Variants in TMEM132C observed in about 807,000 individuals in gnomAD.
The protein encoded by TMEM132C is transmembrane protein 132C, also known as protein phosphatase 1, regulatory subunit 152.
A neutral mutation model predicts 61.4 loss-of-function variants in TMEM132C; 29 were observed. The observed-to-expected ratio is 0.47, with a 90% CI of 0.35 to 0.64. The LOEUF is 0.64. Ranked by LOEUF, TMEM132C falls within the 30% of genes least tolerant of loss-of-function variation. TMEM132C has a pLI of 0.00. For synonymous variants in TMEM132C, 656 were observed against 633.1 expected (o/e 1.04, Z -0.54); for missense variants, 1,408 against 1,476.9 (o/e 0.95, Z 0.76).
intron 1 of TMEM132C, among the ~76,000 whole-genome samples, chr12:128,280,653 A>T (rs1345707143): frequency 1.3e-5 from 2 of 152,220 alleles, no homozygotes; most frequent in Non-Finnish European, 2.9e-5. Context: ...GTATTCAATT[A>T]TAACATTAGA....
intron 4 of TMEM132C, among the ~76,000 whole-genome samples, chr12:128,632,413 G>C (rs1001014236): frequency 6.6e-6 from 1 of 152,136 alleles, no homozygotes; most frequent in Non-Finnish European, 1.5e-5. Context: ...AAATTGCTTT[G>C]TTTACTACAA....
rs1047842072 is a variant in TMEM132C, at chr12:128,705,646, C to T, written c.2678C>T (p.Thr893Ile). The T allele has an allele frequency of 3.9e-6, 6 of 1,551,004 alleles. No homozygotes were observed. The African/African-American group carries it at 5.5e-5, about 14-fold the overall frequency. ...GQLQNIPIDF[T>I]NFPAHVDLPK... ...CTGCAGAACATCCCCATTGACTTCA[C>T]CAACTTCCCTGCCCACGTGGACCTC... Residue 893 changes from threonine to isoleucine, a missense_variant, in exon 9 of 9, where the codon ACC (threonine) becomes ATC (isoleucine). Thr to Ile is a moderately conservative substitution (Grantham distance 89). Coordinates refer to ENST00000435159, the MANE Select transcript of TMEM132C (RefSeq NM_001136103.3).
chr12:128,490,294 C>T (rs1034768544), intron 2 of TMEM132C, among the ~76,000 whole-genome samples: 9 of 152,166 alleles, frequency 5.9e-5, no homozygotes, highest in African/African-American at 7.2e-5. Context: ...TGGCTTTTGT[C>T]GTAGGAGCTT....
chr12:128,498,646 G>A (rs1593075350), intron 2 of TMEM132C, among the ~76,000 whole-genome samples: 1 of 152,002 alleles, frequency 6.6e-6, no homozygotes, highest in South Asian at 2.1e-4. Flanking sequence ...CTGCACTCCA[G>A]CCTGAGCAAC....
chr12:128,636,564 T>TTGTGTGTGTGTGTGTG (rs61201583), intron 4 of TMEM132C, among the ~76,000 whole-genome samples: 29 of 142,348 alleles, frequency 2.0e-4, no homozygotes, highest in African/African-American at 7.3e-4. Context: ...GGGTTTTTGT[T>TTGTGTGTGTGTGTGTG]TGTGTGTGTG....
At chr12:128,343,833 A>T (rs79647340) in intron 1 of TMEM132C, among the ~76,000 whole-genome samples, 2 of 152,168 alleles carry the variant, frequency 1.3e-5, no homozygotes, top group Non-Finnish European at 2.9e-5. Flanking sequence ...GGGACATTTC[A>T]TATAAATGAA....
intron 1 of TMEM132C, among the ~76,000 whole-genome samples, chr12:128,396,364 A>G (rs1283407200): frequency 3.5e-5 from 5 of 142,174 alleles, no homozygotes; most frequent in Non-Finnish European, 6.0e-5. Context: ...GGAGGGGAAC[A>G]TCACAGACTG....
At chr12:128,433,159 T>C (rs1227805972) in intron 2 of TMEM132C, among the ~76,000 whole-genome samples, 3 of 152,174 alleles carry the variant, frequency 2.0e-5, no homozygotes, top group African/African-American at 7.2e-5. Context: ...TAGCCTACAG[T>C]AAGGATAAAC....
At chr12:128,462,901 G>T (rs190253066) in intron 2 of TMEM132C, among the ~76,000 whole-genome samples, 4 of 152,252 alleles carry the variant, frequency 2.6e-5, no homozygotes, top group Admixed American at 2.6e-4. Flanking sequence ...AACAAATAGT[G>T]GGTTGTTTTT....
intron 6 of TMEM132C, 77 bp downstream of exon 6, chr12:128,694,111 T>A (rs1954739888): frequency 7.0e-7 from 1 of 1,427,066 alleles, no homozygotes; most frequent in South Asian, 1.3e-5. Flanking sequence ...AAGGACCCAA[T>A]GCTTAAGAGA....
At chr12:128,438,372 T>G (rs1869669854) in intron 2 of TMEM132C, among the ~76,000 whole-genome samples, 1 of 152,072 alleles carries the variant, frequency 6.6e-6, no homozygotes, top group South Asian at 2.1e-4. Flanking sequence ...CCTCCATACC[T>G]CATTCTCTCA....
chr12:128,601,578 A>T (rs987343027), intron 3 of TMEM132C, among the ~76,000 whole-genome samples: 6 of 148,864 alleles, frequency 4.0e-5, no homozygotes, highest in African/African-American at 1.5e-4. Flanking sequence ...TGTCATGAAT[A>T]AGTGAGCCAT....
chr12:128,463,787 C>T (rs1870624398), intron 2 of TMEM132C, among the ~76,000 whole-genome samples: 1 of 152,132 alleles, frequency 6.6e-6, no homozygotes, highest in South Asian at 2.1e-4. Context: ...ATTTGTGTGC[C>T]TTCCCTACTC....
intron 1 of TMEM132C, among the ~76,000 whole-genome samples, chr12:128,295,451 A>G (rs2135913057): frequency 7.0e-6 from 1 of 142,058 alleles, no homozygotes; most frequent in East Asian, 2.7e-4. Context: ...CATTTTACAG[A>G]TGAGAAAACT....
intron 1 of TMEM132C, among the ~76,000 whole-genome samples, chr12:128,408,869 G>A (rs985642295): frequency 2.6e-5 from 4 of 152,158 alleles, no homozygotes; most frequent in Admixed American, 6.5e-5. Flanking sequence ...TGATCTGCTC[G>A]CCAGTGTCCC....
Position 128,535,304 on chromosome 12 carries a change from C to G in TMEM132C, c.975-8653C>G, listed in dbSNP as rs1456454291. Among the ~76,000 whole-genome samples, 4 of 152,134 alleles carry G rather than the reference C, an allele frequency of 2.6e-5. No individual in the cohort carries two copies. The East Asian group carries it at 7.7e-4, about 29-fold the overall frequency. ...ACTACCATCAGAGTGAACAGGCAAC[C>G]TACAGAATGGGAGAAAATGTTTGCA... On this transcript the variant is annotated intron_variant, in intron 2 of 8. Coordinates refer to ENST00000435159, the MANE Select transcript of TMEM132C (RefSeq NM_001136103.3).
intron 2 of TMEM132C, among the ~76,000 whole-genome samples, chr12:128,461,685 A>T (rs926561210): frequency 2.6e-5 from 4 of 152,158 alleles, no homozygotes; most frequent in African/African-American, 9.7e-5. Flanking sequence ...AGGATCTCAT[A>T]GGCCTGTGCC....
intron 2 of TMEM132C, among the ~76,000 whole-genome samples, chr12:128,423,731 C>T (rs1222193352): frequency 1.3e-5 from 2 of 151,568 alleles, no homozygotes; most frequent in African/African-American, 4.9e-5. Context: ...GTGGATTTCA[C>T]CTCCTTTAAA....
chr12:128,456,091 G>C (rs748664102), intron 2 of TMEM132C, among the ~76,000 whole-genome samples: 1 of 152,108 alleles, frequency 6.6e-6, no homozygotes, highest in South Asian at 2.1e-4. Context: ...GAGTGAAGGA[G>C]AGAGGAGGAC....
Sources: gnomAD v4.1 joint callset for allele counts (sites outside exome capture counted in the v4.1 genomes callset) on GRCh38, gnomAD v4.1.1 for gene constraint, MANE v1.5 for transcripts, NCBI Gene and HGNC (gene_info 2026-07-23, HGNC 2026-07-21) for gene names.